DPP6: variants seen among roughly 807,000 people sequenced by gnomAD.
DPP6 encodes the protein dipeptidyl peptidase like 6, also known as A-type potassium channel modulatory protein DPP6.
Under a neutral mutation model 122.6 loss-of-function variants are expected in DPP6, and 69 were observed. The observed-to-expected ratio is 0.56, with a 90% CI of 0.46 to 0.69. The LOEUF is 0.69. Ranked by LOEUF, DPP6 falls within the 30% of genes least tolerant of loss-of-function variation. The pLI is 0.00. For synonymous variants in DPP6, 418 were observed against 433.1 expected (o/e 0.97, Z 0.43); for missense variants, 928 against 1,116.9 (o/e 0.83, Z 2.41).
intron 1 of DPP6, among the ~76,000 whole-genome samples, chr7:154,278,118 C>T (rs1028344590): frequency 6.6e-6 from 1 of 152,212 alleles, no homozygotes; most frequent in African/African-American, 2.4e-5. Flanking sequence ...CATTAAGAGG[C>T]AGTCTGTTCT....
intron 3 of DPP6, among the ~76,000 whole-genome samples, chr7:154,527,821 T>C (rs1827525372): frequency 6.6e-6 from 1 of 152,198 alleles, no homozygotes; most frequent in Non-Finnish European, 1.5e-5. Context: ...TATTTAAATT[T>C]TTAACATACG....
At position 154,807,096 on chromosome 7, in the gene DPP6, C is replaced by T. The variant is rs547853410; in HGVS notation, c.1650C>T (p.Phe550=). ...SASFSHSMDF[F]LLKCEGPGVP... is the part of the protein sequence containing the mutation. ...CCTTCAGCCATAGCATGGACTTCTT[C>T]CTGCTCAAGTGCGAAGGTCAGCTCC... Residue 550 remains phenylalanine (F), a synonymous_variant, in exon 16 of 26, where the codon TTC becomes TTT. Transcript: ENST00000377770. 12 of 1,613,502 alleles carry T rather than the reference C, an allele frequency of 7.4e-6. No homozygotes were observed. Among genetic ancestry groups the T allele is most frequent in the Non-Finnish European group, 9.3e-6 (11 of 1,179,848 alleles).
At chr7:154,858,690 C>T (rs965749539) in intron 17 of DPP6, among the ~76,000 whole-genome samples, 2 of 152,140 alleles carry the variant, frequency 1.3e-5, no homozygotes, top group South Asian at 2.1e-4. Context: ...GTGGGAGCCC[C>T]GTCGAATTAA....
At chr7:153,801,686 C>T in the DPP6 span, among the ~76,000 whole-genome samples, 1 of 152,246 alleles carries the variant, frequency 6.6e-6, no homozygotes, top group East Asian at 1.9e-4. Context: ...AAAGAAATTG[C>T]AAGATGGCTC....
At chr7:153,965,157 C>A (rs747863404) in intron 1 of DPP6, among the ~76,000 whole-genome samples, 1 of 151,722 alleles carries the variant, frequency 6.6e-6, no homozygotes, top group Non-Finnish European at 1.5e-5. Flanking sequence ...GGTGTGTAAC[C>A]GTGGCTCTTA....
At chr7:154,234,477 G>A (rs770695094) in intron 1 of DPP6, among the ~76,000 whole-genome samples, 1 of 152,084 alleles carries the variant, frequency 6.6e-6, no homozygotes, top group Non-Finnish European at 1.5e-5. Context: ...GACCCCAACA[G>A]CCAGGCATTT....
chr7:153,755,110 G>A, the DPP6 span, among the ~76,000 whole-genome samples: 1 of 152,100 alleles, frequency 6.6e-6, no homozygotes, highest in Non-Finnish European at 1.5e-5. Flanking sequence ...CATCATGCTT[G>A]TTGTGGAAAC....
chr7:153,937,363 T>C (rs1056203838), intron 1 of DPP6, among the ~76,000 whole-genome samples: 1 of 151,398 alleles, frequency 6.6e-6, no homozygotes, highest in African/African-American at 2.4e-5. Flanking sequence ...GGTGTCCAGC[T>C]CATCATCATT....
chr7:154,375,995 G>A (rs1235556974), intron 1 of DPP6, among the ~76,000 whole-genome samples: 6 of 152,162 alleles, frequency 3.9e-5, no homozygotes, highest in Admixed American at 6.5e-5. Context: ...GGCAAGGTTG[G>A]TGCATTTCAC....
At chr7:153,880,772 T>C in the DPP6 span, among the ~76,000 whole-genome samples, 1 of 152,234 alleles carries the variant, frequency 6.6e-6, no homozygotes, top group African/African-American at 2.4e-5. Context: ...AAATACAGTC[T>C]ATTACCTGAA....
intron 16 of DPP6, among the ~76,000 whole-genome samples, chr7:154,848,381 A>G (rs186412036): frequency 6.6e-6 from 1 of 152,030 alleles, no homozygotes; most frequent in Admixed American, 6.5e-5. Context: ...GTGTGAGATG[A>G]TATCTTATTG....
chr7:153,851,264 C>A, the DPP6 span, among the ~76,000 whole-genome samples: 1 of 152,168 alleles, frequency 6.6e-6, no homozygotes, highest in Non-Finnish European at 1.5e-5. Context: ...CAATTATTTG[C>A]CTTAAAACTA....
intron 1 of DPP6, among the ~76,000 whole-genome samples, chr7:153,903,162 A>G (rs1799710034): frequency 6.6e-6 from 1 of 152,172 alleles, no homozygotes. Context: ...CCAAGAATTT[A>G]AGAGCAAGAA....
chr7:154,757,795 G>C (rs1347321700), intron 8 of DPP6, among the ~76,000 whole-genome samples: 3 of 152,226 alleles, frequency 2.0e-5, no homozygotes, highest in Non-Finnish European at 4.4e-5. Context: ...GATAATCCCT[G>C]TTACCACAGG....
chr7:154,218,397 G>A (rs1284088056), intron 1 of DPP6, among the ~76,000 whole-genome samples: 2 of 152,184 alleles, frequency 1.3e-5, no homozygotes, highest in African/African-American at 2.4e-5. Context: ...TATTAAATCA[G>A]ATTACTTGGC....
At position 154,061,617 on chromosome 7, in the gene DPP6, AG is replaced by A. The variant is rs1291581045; in HGVS notation, c.243+8562del. Among the ~76,000 whole-genome samples the A allele has an allele frequency of 6.8e-4, 89 of 130,630 alleles. 2 individuals are homozygous for A. Among genetic ancestry groups the A allele is most frequent in the Middle Eastern group, 8.8e-3 (2 of 228 alleles). 85.7% of individuals were successfully genotyped at this position (130,630 alleles called of 152,430 possible). A position where few individuals can be genotyped will look rare whatever the true frequency, so the allele number is the denominator to read the frequency against. On this transcript the variant is annotated intron_variant, in intron 1 of 25. Transcript: ENST00000377770. Reference sequence around the variant, plus strand: ...CCCTGGCTCTTGGGACTCCCATCACAGGGGGGGGAGGCACCCGCTGCGAGGC... The same window carrying A: ...CCCTGGCTCTTGGGACTCCCATCACAGGGGGGGAGGCACCCGCTGCGAGGC...
chr7:154,236,434 C>G (rs1469822538), intron 1 of DPP6, among the ~76,000 whole-genome samples: 2 of 152,136 alleles, frequency 1.3e-5, no homozygotes, highest in African/African-American at 4.8e-5. Context: ...ACAATTTCCC[C>G]TATAATTTTA....
intron 1 of DPP6, among the ~76,000 whole-genome samples, chr7:154,401,495 G>A (rs1815593047): frequency 6.6e-6 from 1 of 152,178 alleles, no homozygotes; most frequent in African/African-American, 2.4e-5. Flanking sequence ...CCTCCTGGGA[G>A]CCACATAGGG....
At chr7:154,376,066 C>T (rs953592123) in intron 1 of DPP6, among the ~76,000 whole-genome samples, 5 of 152,324 alleles carry the variant, frequency 3.3e-5, no homozygotes, top group East Asian at 1.9e-4. Context: ...TCCCGGAAAC[C>T]GTGTGCATTT....
Sources: allele counts gnomAD v4.1 joint callset (sites outside exome capture counted in the v4.1 genomes callset), GRCh38; gene constraint gnomAD v4.1.1; transcripts MANE v1.5; gene names NCBI Gene and HGNC (gene_info 2026-07-23, HGNC 2026-07-21).